PIK3CD: variants seen among roughly 807,000 people sequenced by gnomAD.
The protein encoded by PIK3CD is phosphatidylinositol-4,5-bisphosphate 3-kinase catalytic subunit delta.
In PIK3CD, 20 loss-of-function variants were observed where a neutral mutation model predicts 122.9. That is an observed-to-expected ratio of 0.16 (90% CI 0.11 to 0.24). The LOEUF is 0.24. PIK3CD is among the 10% of genes least tolerant of loss of function. The probability of loss-of-function intolerance (pLI) is 1.00; values close to 1 mark genes in which losing one functional copy is unlikely to be tolerated. For synonymous variants in PIK3CD, 596 were observed against 593.4 expected (o/e 1.00, Z -0.06); for missense variants, 787 against 1,406.3 (o/e 0.56, Z 7.04).
upstream of PIK3CD, among the ~76,000 whole-genome samples, chr1:9,648,165 C>G (rs1268419794): frequency 6.6e-6 from 1 of 152,170 alleles, no homozygotes; most frequent in East Asian, 1.9e-4. Context: ...CTGCCTGCTG[C>G]TTCTTAATTG....
chr1:9,726,410 G>T (rs903825922), intron 23 of PIK3CD, among the ~76,000 whole-genome samples: 1 of 152,006 alleles, frequency 6.6e-6, no homozygotes, highest in Non-Finnish European at 1.5e-5. Flanking sequence ...TTGGGAGGCT[G>T]AGGCAGAAGA....
chr1:9,656,509 G>A (rs1015953646), intron 1 of PIK3CD, among the ~76,000 whole-genome samples: 1 of 152,182 alleles, frequency 6.6e-6, no homozygotes, highest in Non-Finnish European at 1.5e-5. Context: ...CATGCTTATA[G>A]TTTCAGCTAC....
chr1:9,668,668 C>T (rs1645235144), intron 1 of PIK3CD, among the ~76,000 whole-genome samples: 1 of 151,978 alleles, frequency 6.6e-6, no homozygotes, highest in African/African-American at 2.4e-5. Context: ...TATAAATTAA[C>T]AAGTCTCTGT....
chr1:9,681,585 A>G (rs747547463), intron 1 of PIK3CD, among the ~76,000 whole-genome samples: 1 of 151,988 alleles, frequency 6.6e-6, no homozygotes, highest in Non-Finnish European at 1.5e-5. Context: ...CTGTATTTTT[A>G]GTAGAGATGG....
chr1:9,663,590 T>TA lies in PIK3CD; in HGVS notation c.-138+11788_-138+11789insA, dbSNP rs549936220. On this transcript the variant is annotated intron_variant, in intron 1 of 23. Transcript: ENST00000377346. ...TTTTTTTATTTTTATTTTTTTAATA[T>TA]TTTTTTATTATACTTTAAGTTCTAG... Among the ~76,000 whole-genome samples the TA allele has an allele frequency of 3.6e-4, 35 of 97,452 alleles. No individual in the cohort carries two copies. In the South Asian group the frequency reaches 0.015, roughly 42 times the overall value. 63.9% of individuals were successfully genotyped at this position (97,452 alleles called of 152,430 possible).
chr1:9,705,763 C>T (rs187710504), intron 2 of PIK3CD, among the ~76,000 whole-genome samples: 9 of 152,204 alleles, frequency 5.9e-5, no homozygotes, highest in South Asian at 2.1e-4. Context: ...CAAATTAAAA[C>T]GAGATAATTT....
chr1:9,683,762 G>A (rs1374922340), intron 1 of PIK3CD, among the ~76,000 whole-genome samples: 1 of 152,196 alleles, frequency 6.6e-6, no homozygotes, highest in African/African-American at 2.4e-5. Flanking sequence ...AATTCCGACA[G>A]AGCTCAGCAG....
intron 3 of PIK3CD, among the ~76,000 whole-genome samples, chr1:9,711,048 G>A (rs1254156603): frequency 6.6e-6 from 1 of 152,150 alleles, no homozygotes; most frequent in African/African-American, 2.4e-5. Flanking sequence ...GCCTCCCAAA[G>A]TGCTGAGATT....
chr1:9,654,032 C>A, intron 1 of PIK3CD: 2 of 1,269,960 alleles, frequency 1.6e-6, no homozygotes, highest in Non-Finnish European at 2.1e-6. Context: ...TACAGTGCCA[C>A]TGCGCTCCAG....
At position 9,722,863 on chromosome 1, in the gene PIK3CD, C is replaced by G. The variant is rs1224499333; in HGVS notation, c.2426+257C>G. Among the ~76,000 whole-genome samples the G allele has an allele frequency of 2.6e-5, 4 of 152,186 alleles. No homozygotes were observed. The highest frequency in any genetic ancestry group is 2.6e-4 in the Admixed American group (4 of 15,276). On this transcript the variant is annotated intron_variant, in intron 19 of 23. Transcript: ENST00000377346. This position sits in a 1 kb window ranked among gnomAD's most constrained non-coding sequence, Gnocchi z 7.6. ...GGTGCCCCTGGCTTCCCCAGCCCAT[C>G]TTGGGAAGCAGTGGCGTCTTCTCCC...
At chr1:9,663,412 G>A (rs1437941099) in intron 1 of PIK3CD, among the ~76,000 whole-genome samples, 1 of 152,086 alleles carries the variant, frequency 6.6e-6, no homozygotes, top group Admixed American at 6.6e-5. Flanking sequence ...CCGCTGTGGG[G>A]CCCGTATCCC....
chr1:9,695,062 C>T (rs1469442266), intron 2 of PIK3CD, among the ~76,000 whole-genome samples: 1 of 151,868 alleles, frequency 6.6e-6, no homozygotes, highest in African/African-American at 2.4e-5. Context: ...AAGTCACAAA[C>T]AGGGTCGTAT....
chr1:9,665,103 C>T (rs1478415205), intron 1 of PIK3CD, among the ~76,000 whole-genome samples: 1 of 147,982 alleles, frequency 6.8e-6, no homozygotes, highest in Non-Finnish European at 1.5e-5. Context: ...ACTTGGGAGG[C>T]TGAGGCAGGA....
chr1:9,715,367 T>G lies in PIK3CD; in HGVS notation c.142-174T>G, dbSNP rs565766743. 8.1e-4 allele frequency among the ~76,000 whole-genome samples: 123 copies of G among 152,280 alleles called. 1 individual carries two copies. The highest frequency in any genetic ancestry group is 2.2e-3 in the African/African-American group (93 of 41,556). On this transcript the variant is annotated intron_variant, in intron 3 of 23. Coordinates refer to ENST00000377346, the MANE Select transcript of PIK3CD (RefSeq NM_005026.5). This position sits in a 1 kb window ranked among gnomAD's most constrained non-coding sequence, Gnocchi z 4.1. ...AGAAGGGCATCAGTGGAGAAGCCTG[T>G]CCACCCATGGTCAGCACCCAGGGGG...
chr1:9,702,087 T>C (rs1646655583), intron 2 of PIK3CD, among the ~76,000 whole-genome samples: 2 of 151,386 alleles, frequency 1.3e-5, no homozygotes, highest in South Asian at 2.1e-4. Flanking sequence ...CTCTGCCACC[T>C]GGGTTCAAGC....
At chr1:9,706,050 A>T (rs1274524843) in intron 2 of PIK3CD, among the ~76,000 whole-genome samples, 21 of 85,202 alleles carry the variant, frequency 2.5e-4, no homozygotes, top group Admixed American at 5.9e-4. Context: ...ATTTATTGGA[A>T]TTTTTTTTTT....
Position 9,652,424 on chromosome 1 carries a change from C to T in PIK3CD, c.-138+622C>T, listed in dbSNP as rs1644704120. Among the ~76,000 whole-genome samples the T allele has an allele frequency of 1.3e-5, 2 of 152,300 alleles. No individual in the cohort carries two copies. The highest frequency in any genetic ancestry group is 3.9e-4 in the East Asian group (2 of 5,166). On this transcript the variant is annotated intron_variant, in intron 1 of 23. Coordinates refer to ENST00000377346, the MANE Select transcript of PIK3CD (RefSeq NM_005026.5). The surrounding 1 kb of genome is among the most constrained non-coding windows in gnomAD (Gnocchi z 6.2). ...GGAAGTTTTCGGGGCTTCCTCCCGGCTCGTGGACCCGCGCCCCGCCTCCCA... is the reference window on the plus strand; with the variant it reads ...GGAAGTTTTCGGGGCTTCCTCCCGGTTCGTGGACCCGCGCCCCGCCTCCCA...
At chr1:9,632,101 C>T in the PIK3CD span, among the ~76,000 whole-genome samples, 1 of 152,046 alleles carries the variant, frequency 6.6e-6, no homozygotes, top group African/African-American at 2.4e-5. Context: ...CAACCTCCGC[C>T]TCCTGGGTTC....
Position 9,710,901 on chromosome 1 carries a change from T to C in PIK3CD, c.141+305T>C, listed in dbSNP as rs1647026142. Among the ~76,000 whole-genome samples, 1 of 152,154 alleles carries C rather than the reference T, an allele frequency of 6.6e-6. No homozygotes were observed. The highest frequency in any genetic ancestry group is 2.1e-4 in the South Asian group (1 of 4,820). ...CCCGGGTTCAAGAGATTCTTCCGCC[T>C]CAGCCTCCTGAGTAGCTGGGATTAC... is the stretch of plus-strand genomic sequence containing the variant. On this transcript the variant is annotated intron_variant, in intron 3 of 23. Coordinates refer to ENST00000377346, the MANE Select transcript of PIK3CD (RefSeq NM_005026.5). The surrounding 1 kb of genome is among the most constrained non-coding windows in gnomAD (Gnocchi z 4.7).
Sources: gnomAD v4.1 joint callset for allele counts (sites outside exome capture counted in the v4.1 genomes callset) on GRCh38, gnomAD v4.1.1 for gene constraint, Gnocchi (gnomAD v3.1) non-coding constraint, MANE v1.5 for transcripts, NCBI Gene and HGNC (gene_info 2026-07-23, HGNC 2026-07-21) for gene names.